The following SV2C variants were observed in gnomAD, a reference collection of about 807,000 sequenced individuals.
SV2C encodes the protein solute carrier family 22 member B3.
SV2C carries 49 observed loss-of-function variants against 79.7 expected under a neutral mutation model. That is an observed-to-expected ratio of 0.61 (90% CI 0.49 to 0.78). SV2C has a LOEUF of 0.78. Ranked by LOEUF, SV2C falls within the 30% of genes least tolerant of loss-of-function variation. SV2C has a pLI of 0.00. For synonymous variants in SV2C, 334 were observed against 333.2 expected, an observed-to-expected ratio of 1.00 and a Z score of -0.03; for missense variants, 833 against 912.9, an observed-to-expected ratio of 0.91 and a Z score of 1.13.
At chr5:76,242,896 C>T (rs1469655046) in intron 4 of SV2C, among the ~76,000 whole-genome samples, 9 of 151,056 alleles carry the variant, frequency 6.0e-5, no homozygotes, top group Non-Finnish European at 1.3e-4. Context: ...TAGTAGTAGT[C>T]CCAGCTACTC....
chr5:76,065,006 T>C, the SV2C span, among the ~76,000 whole-genome samples: 1 of 152,304 alleles, frequency 6.6e-6, no homozygotes, highest in Non-Finnish European at 1.5e-5. Context: ...ACTGCCTTTG[T>C]TATGTGAGTG....
chr5:76,245,936 A>ATGTGTGTGTG (rs60767964), intron 4 of SV2C, among the ~76,000 whole-genome samples: 95 of 129,148 alleles, frequency 7.4e-4, no homozygotes, highest in African/African-American at 2.2e-3. Context: ...GTGTGTGTGT[A>ATGTGTGTGTG]TGTGTGTGTG....
chr5:76,173,643 A>T, intron 2 of SV2C: 1 of 1,612,808 alleles, frequency 6.2e-7, no homozygotes, highest in Non-Finnish European at 8.5e-7. Flanking sequence ...AGCAGCTGAC[A>T]TGATGACTTT....
the SV2C span, among the ~76,000 whole-genome samples, chr5:76,031,712 C>A: frequency 5.0e-3 from 764 of 152,214 alleles, 4 homozygotes; most frequent in African/African-American, 0.017. Context: ...ACAGGAGGCC[C>A]ATTTATTAAA....
At chr5:76,291,966 G>T in intron 8 of SV2C, 110 bp downstream of exon 8, 1 of 738,198 alleles carries the variant, frequency 1.4e-6, no homozygotes, top group South Asian at 2.1e-5. Context: ...AACCTGCTAA[G>T]GAAGAAATTT....
the SV2C span, among the ~76,000 whole-genome samples, chr5:75,882,789 T>TAA: frequency 0.014 from 1,991 of 142,508 alleles, 42 homozygotes; most frequent in African/African-American, 0.045. Flanking sequence ...CCTAAAACCA[T>TAA]AAAAAAAAAA....
At chr5:76,065,887 C>T in the SV2C span, among the ~76,000 whole-genome samples, 1 of 152,278 alleles carries the variant, frequency 6.6e-6, no homozygotes, top group Non-Finnish European at 1.5e-5. Flanking sequence ...TAGGGTTCTA[C>T]TTTAGGATAG....
At chr5:76,000,564 G>T in the SV2C span, among the ~76,000 whole-genome samples, 1 of 152,194 alleles carries the variant, frequency 6.6e-6, no homozygotes, top group South Asian at 2.1e-4. Flanking sequence ...CCCTGCTCTA[G>T]CATCTGACTC....
intron 4 of SV2C, among the ~76,000 whole-genome samples, chr5:76,248,910 C>T (rs550555350): frequency 3.9e-5 from 6 of 152,280 alleles, no homozygotes; most frequent in East Asian, 3.9e-4. Flanking sequence ...TGAGCCACCA[C>T]GCCTGGCCTC....
chr5:76,014,169 G>GAAGAAAGAAAGAAAGAAAGAAAGA, the SV2C span, among the ~76,000 whole-genome samples: 12 of 140,036 alleles, frequency 8.6e-5, no homozygotes, highest in African/African-American at 3.2e-4. Flanking sequence ...AGGAAGGAAG[G>GAAGAAAGAAAGAAAGAAAGAAAGA]AAGAAAGAAA....
the SV2C span, among the ~76,000 whole-genome samples, chr5:75,997,979 G>A: frequency 9.9e-6 from 1 of 101,070 alleles, no homozygotes; most frequent in African/African-American, 3.5e-5. Flanking sequence ...AAGAAAATGT[G>A]GTACATATAC....
At chr5:76,281,235 G>T in intron 4 of SV2C, 1 of 525,558 alleles carries the variant, frequency 1.9e-6, no homozygotes. Context: ...TTCAACAGAA[G>T]AAAAGTAATA....
the SV2C span, among the ~76,000 whole-genome samples, chr5:75,901,894 G>T: frequency 6.6e-6 from 1 of 152,270 alleles, no homozygotes; most frequent in South Asian, 2.1e-4. Context: ...TTCCAAGCCA[G>T]GTGCGGGATA....
rs191192633 is a variant in SV2C at position 76,248,113 on chromosome 5, A to C, written c.914-37049A>C. ...AAACTGGAAATATTCTTAATGGAAG[A>C]ACACACTATTGTGTACTTTGGCCTG... On this transcript the variant is annotated intron_variant, in intron 4 of 12. Coordinates refer to ENST00000502798, the MANE Select transcript of SV2C (RefSeq NM_014979.4). 6.6e-5 allele frequency among the ~76,000 whole-genome samples: 10 copies of C among 152,340 alleles called. No individual in the cohort carries two copies. In the East Asian group the frequency reaches 1.9e-3, roughly 29 times the overall value.
chr5:76,244,212 C>CA (rs1171464515), intron 4 of SV2C, among the ~76,000 whole-genome samples: 3 of 152,208 alleles, frequency 2.0e-5, no homozygotes, highest in African/African-American at 7.2e-5. Context: ...GGTAAGCTCT[C>CA]AAAAAGCAGA....
At chr5:75,933,584 T>C in the SV2C span, among the ~76,000 whole-genome samples, 5 of 152,208 alleles carry the variant, frequency 3.3e-5, no homozygotes, top group African/African-American at 7.2e-5. Context: ...AGAACTACCC[T>C]AGGGCAGGAC....
intron 4 of SV2C, 81 bp downstream of exon 4, chr5:76,209,968 AG>A (rs975787533): frequency 4.1e-6 from 6 of 1,471,768 alleles, no homozygotes; most frequent in Admixed American, 2.3e-5. Flanking sequence ...CTCTCTTCTA[AG>A]GGCCACTTTG....
At chr5:76,019,470 G>A in the SV2C span, among the ~76,000 whole-genome samples, 1 of 152,144 alleles carries the variant, frequency 6.6e-6, no homozygotes, top group Non-Finnish European at 1.5e-5. Context: ...ATTTTAGTAC[G>A]TTCAGTGAAG....
At chr5:75,879,075 G>A in the SV2C span, among the ~76,000 whole-genome samples, 11 of 152,258 alleles carry the variant, frequency 7.2e-5, no homozygotes, top group African/African-American at 1.2e-4. Flanking sequence ...TTCTGTCATC[G>A]CCAAGGGTAT....
Sources: gnomAD v4.1 joint callset for allele counts (sites outside exome capture counted in the v4.1 genomes callset) on GRCh38, gnomAD v4.1.1 for gene constraint, MANE v1.5 for transcripts, NCBI Gene and HGNC (gene_info 2026-07-23, HGNC 2026-07-21) for gene names.